The following KCNJ15 variants were observed in gnomAD, a reference collection of about 807,000 sequenced individuals.
The protein encoded by KCNJ15 is potassium inwardly rectifying channel subfamily J member 15.
Under a neutral mutation model 23.0 loss-of-function variants are expected in KCNJ15, and 14 were observed. The ratio of observed to expected loss-of-function variants is 0.61; its 90% CI spans 0.40 to 0.95. The LOEUF (loss-of-function observed/expected upper bound fraction) is 0.95. Among genes scored for constraint, KCNJ15 ranks in the 40% least tolerant of loss-of-function variants. KCNJ15 has a pLI of 0.00. For missense variants in KCNJ15, 388 were observed against 461.8 expected (o/e 0.84, Z 1.46); for synonymous variants, 185 against 183.2 (o/e 1.01, Z -0.08).
intron 1 of KCNJ15, among the ~76,000 whole-genome samples, chr21:38,271,974 A>G (rs1445341989): frequency 1.3e-5 from 2 of 152,200 alleles, no homozygotes; most frequent in African/African-American, 4.8e-5. Context: ...CGGTGCCACA[A>G]TTGAGACAGA....
Position 38,306,959 on chromosome 21 carries a change from A to G in KCNJ15, c.*6570A>G, listed in dbSNP as rs1248050772. The G allele has an allele frequency of 6.6e-6, 1 of 152,210 alleles. No homozygotes were observed. The highest frequency in any genetic ancestry group is 2.1e-4 in the South Asian group (1 of 4,832). 9.4% of individuals were successfully genotyped at this position (152,210 alleles called of 1,614,324 possible). A position where few individuals can be genotyped will look rare whatever the true frequency, so the allele number is the denominator to read the frequency against. On this transcript the variant is annotated 3_prime_UTR_variant, in exon 3 of 3. Transcript: ENST00000398938. The stretch of plus-strand genomic sequence containing the variant: ...GCAGTGTGTACTTACCAAAATCTTG[A>G]TCACACTTAGGTCTCTTGCTATATA...
chr21:38,300,513 C>A lies in KCNJ15; in HGVS notation c.*124C>A. The A allele has an allele frequency of 1.3e-6, 1 of 743,200 alleles. No homozygotes were observed. The highest frequency in any genetic ancestry group is 2.2e-6 in the Non-Finnish European group (1 of 459,218). 46.0% of individuals were successfully genotyped at this position (743,200 alleles called of 1,614,324 possible). The stretch of plus-strand genomic sequence containing the variant: ...CACTCTCAAAAACTGCACGGACATA[C>A]AAAATCAATCTTTTCCTTTGATCTT... On this transcript the variant is annotated 3_prime_UTR_variant, in exon 3 of 3. Coordinates refer to ENST00000398938, the MANE Select transcript of KCNJ15 (RefSeq NM_170736.3).
intron 1 of KCNJ15, among the ~76,000 whole-genome samples, chr21:38,247,232 T>TGATG (rs765878058): frequency 0.013 from 1,440 of 108,500 alleles, 24 homozygotes; most frequent in African/African-American, 0.044. Context: ...ATAAATGGAT[T>TGATG]GATGGATGGA....
At chr21:38,287,352 T>G (rs909489195) in intron 1 of KCNJ15, among the ~76,000 whole-genome samples, 1 of 152,196 alleles carries the variant, frequency 6.6e-6, no homozygotes, top group African/African-American at 2.4e-5. Flanking sequence ...GGCTTTACGT[T>G]AAACCCTGTC....
In KCNJ15 at chr21:38,301,602, C is replaced by A. The variant is rs1295942302; in HGVS notation, c.*1213C>A. 6.0e-6 allele frequency: 1 copy of A among 166,804 alleles called. No homozygotes were observed. 10.3% of individuals were successfully genotyped at this position (166,804 alleles called of 1,614,324 possible). A position where few individuals can be genotyped will look rare whatever the true frequency, so the allele number is the denominator to read the frequency against. ...TGATGTTTGTAAGGTCCGGTGGGGCCATGAGGAAGAAGAGGAGCTGAAGGT... is the reference window on the plus strand; with the variant it reads ...TGATGTTTGTAAGGTCCGGTGGGGCAATGAGGAAGAAGAGGAGCTGAAGGT... On this transcript the variant is annotated 3_prime_UTR_variant, in exon 3 of 3. Coordinates refer to ENST00000398938, the MANE Select transcript of KCNJ15 (RefSeq NM_170736.3).
At chr21:38,290,156 C>T (rs1412028816) in intron 1 of KCNJ15, among the ~76,000 whole-genome samples, 3 of 152,190 alleles carry the variant, frequency 2.0e-5, no homozygotes. Context: ...TAAATGATAC[C>T]TCTGGCTTAT....
chr21:38,265,118 C>T (rs185522988), intron 1 of KCNJ15, among the ~76,000 whole-genome samples: 361 of 152,304 alleles, frequency 2.4e-3, no homozygotes, highest in Non-Finnish European at 3.4e-3. Context: ...CCTTCAAACG[C>T]TATGTCTAGA....
intron 1 of KCNJ15, among the ~76,000 whole-genome samples, chr21:38,233,501 C>T (rs1978407047): frequency 6.6e-6 from 1 of 152,088 alleles, no homozygotes; most frequent in African/African-American, 2.4e-5. Flanking sequence ...CATTTTGTTC[C>T]TCTGTTCCAC....
chr21:38,284,596 G>A (rs912531154), intron 1 of KCNJ15, among the ~76,000 whole-genome samples: 2 of 152,192 alleles, frequency 1.3e-5, no homozygotes, highest in African/African-American at 2.4e-5. Flanking sequence ...CCTATGCTGC[G>A]TTTAACATGA....
intron 1 of KCNJ15, among the ~76,000 whole-genome samples, chr21:38,234,461 T>C (rs1978469655): frequency 6.6e-6 from 1 of 152,200 alleles, no homozygotes; most frequent in South Asian, 2.1e-4. Flanking sequence ...AAACACCCAA[T>C]AGAAACAACT....
At chr21:38,253,445 G>T (rs985412567), upstream of KCNJ15, among the ~76,000 whole-genome samples, 6 of 152,134 alleles carry the variant, frequency 3.9e-5, no homozygotes, top group Non-Finnish European at 8.8e-5. Context: ...GATAAGGATG[G>T]TGAGAACAAA....
chr21:38,244,773 C>T (rs1015840929), intron 1 of KCNJ15, among the ~76,000 whole-genome samples: 1 of 152,144 alleles, frequency 6.6e-6, no homozygotes, highest in Non-Finnish European at 1.5e-5. Flanking sequence ...AACCTTGTCT[C>T]CTCCCAAGCC....
upstream of KCNJ15, among the ~76,000 whole-genome samples, chr21:38,256,360 TTATATATA>T (rs56679003): frequency 1.9e-5 from 2 of 106,236 alleles, no homozygotes; most frequent in Admixed American, 8.9e-5. Flanking sequence ...TCTATTCAGC[TTATATATA>T]TATATATATA....
chr21:38,290,995 AACACACACACAC>A (rs57018976), intron 1 of KCNJ15, among the ~76,000 whole-genome samples: 3 of 127,198 alleles, frequency 2.4e-5, no homozygotes, highest in East Asian at 2.3e-4. Context: ...AAAAAGGCTA[AACACACACACAC>A]ACACACACAC....
chr21:38,299,624 C>A lies in KCNJ15; in HGVS notation c.363C>A (p.Ser121=). 2.5e-6 allele frequency: 4 copies of A among 1,614,130 alleles called. No individual in the cohort carries two copies. The highest frequency in any genetic ancestry group is 3.4e-6 in the Non-Finnish European group (4 of 1,180,024). The change falls in exon 3 of 3, where the codon TCC becomes TCA. Residue 121 remains serine (S), a synonymous_variant. Coordinates refer to ENST00000398938, the MANE Select transcript of KCNJ15 (RefSeq NM_170736.3). This position sits in a 1 kb window ranked among gnomAD's most constrained non-coding sequence, Gnocchi z 4.5. The part of the protein sequence containing the change: ...VDSLTGAFLF[S]LESQTTIGYG... ...CTCTCACTGGGGCGTTTCTCTTTTCCCTGGAATCCCAGACAACCATTGGCT... is the reference window on the plus strand; with the variant it reads ...CTCTCACTGGGGCGTTTCTCTTTTCACTGGAATCCCAGACAACCATTGGCT...
chr21:38,256,163 C>T (rs182226876), upstream of KCNJ15, among the ~76,000 whole-genome samples: 378 of 152,026 alleles, frequency 2.5e-3, 1 homozygote, highest in African/African-American at 8.7e-3. Flanking sequence ...GGACATATAA[C>T]CCCATTCCCG....
At chr21:38,284,201 C>T (rs917197936) in intron 1 of KCNJ15, among the ~76,000 whole-genome samples, 1 of 152,174 alleles carries the variant, frequency 6.6e-6, no homozygotes, top group Non-Finnish European at 1.5e-5. Flanking sequence ...TCTGCACAAG[C>T]GTGAGCTCCA....
At position 38,299,959 on chromosome 21, in the gene KCNJ15, C is replaced by A; in HGVS notation, c.698C>A (p.Ala233Asp). Reference protein sequence around the residue: ...KEGERILLNQATVKFHVDSSS... With the variant: ...KEGERILLNQDTVKFHVDSSS... Reference sequence around the variant, plus strand: ...GGGGAGCGGATTCTCCTCAACCAAGCCACTGTCAAATTCCACGTGGACTCC... The same window carrying A: ...GGGGAGCGGATTCTCCTCAACCAAGACACTGTCAAATTCCACGTGGACTCC... The change falls in exon 3 of 3, where the codon GCC becomes GAC. Residue 233 changes from alanine to aspartate, a missense_variant. Ala to Asp is a moderately radical substitution (Grantham distance 126). Coordinates refer to ENST00000398938, the MANE Select transcript of KCNJ15 (RefSeq NM_170736.3). This position sits in a 1 kb window ranked among gnomAD's most constrained non-coding sequence, Gnocchi z 4.5. 2 of 1,614,054 alleles carry A rather than the reference C, an allele frequency of 1.2e-6. No individual in the cohort carries two copies. Among genetic ancestry groups the A allele is most frequent in the South Asian group, 2.2e-5 (2 of 91,078 alleles).
chr21:38,263,769 C>T (rs1981172551), intron 1 of KCNJ15, among the ~76,000 whole-genome samples: 1 of 152,206 alleles, frequency 6.6e-6, no homozygotes, highest in Non-Finnish European at 1.5e-5. Context: ...ACTACCTCTG[C>T]ATGTGACTGG....
Sources: gnomAD v4.1 joint callset for allele counts (sites outside exome capture counted in the v4.1 genomes callset) on GRCh38, gnomAD v4.1.1 for gene constraint, Gnocchi (gnomAD v3.1) non-coding constraint, MANE v1.5 for transcripts, NCBI Gene and HGNC (gene_info 2026-07-23, HGNC 2026-07-21) for gene names.